CAST: variants seen among roughly 807,000 people sequenced by gnomAD.
CAST encodes the protein MIR583 host.
A neutral mutation model predicts 119.6 loss-of-function variants in CAST; 76 were observed. That is an observed-to-expected ratio of 0.64 (90% CI 0.53 to 0.77). The LOEUF (loss-of-function observed/expected upper bound fraction) is 0.77, where lower values mean the gene tolerates loss of function less well. Ranked by LOEUF, CAST falls within the 30% of genes least tolerant of loss-of-function variation. The pLI is 0.00. For missense variants in CAST, 953 were observed against 946.5 expected, an observed-to-expected ratio of 1.01 and a Z score of -0.09; for synonymous variants, 319 against 331.6, an observed-to-expected ratio of 0.96 and a Z score of 0.41.
intron 16 of CAST, among the ~76,000 whole-genome samples, chr5:96,745,050 C>T (rs1227954365): frequency 6.6e-6 from 1 of 152,120 alleles, no homozygotes; most frequent in African/African-American, 2.4e-5. Flanking sequence ...AATAAAAGCT[C>T]TGGCCGCATG....
chr5:96,642,575 C>A (rs1370682850), intron 1 of CAST, among the ~76,000 whole-genome samples: 3 of 148,454 alleles, frequency 2.0e-5, no homozygotes, highest in African/African-American at 7.5e-5. Flanking sequence ...AGATTTTGCT[C>A]CTGCTGCCCA....
At chr5:96,451,201 C>G in the CAST span, among the ~76,000 whole-genome samples, 1 of 152,242 alleles carries the variant, frequency 6.6e-6, no homozygotes, top group Admixed American at 6.5e-5. Context: ...TCTTACACAT[C>G]TTTGTGTACT....
At chr5:96,766,628 A>C (rs1034296519) in intron 27 of CAST, among the ~76,000 whole-genome samples, 1 of 152,190 alleles carries the variant, frequency 6.6e-6, no homozygotes, top group Non-Finnish European at 1.5e-5. Flanking sequence ...CAATATTCCC[A>C]ATCACAAATC....
At chr5:96,524,784 C>A (rs1294500565), upstream of CAST, among the ~76,000 whole-genome samples, 1 of 152,184 alleles carries the variant, frequency 6.6e-6, no homozygotes, top group Non-Finnish European at 1.5e-5. Flanking sequence ...CCACCACAGG[C>A]AGACAGAAGC....
chr5:96,759,947 A>C (rs1767357757), intron 24 of CAST, among the ~76,000 whole-genome samples: 2 of 152,060 alleles, frequency 1.3e-5, no homozygotes, highest in Non-Finnish European at 2.9e-5. Context: ...CAATTTTCTA[A>C]GATTAAACAA....
the CAST span, among the ~76,000 whole-genome samples, chr5:96,037,972 A>G: frequency 6.6e-6 from 1 of 152,190 alleles, no homozygotes; most frequent in African/African-American, 2.4e-5. Context: ...ATTCATCGCA[A>G]TGTTACAGTG....
chr5:95,986,387 T>C, the CAST span: 1 of 152,218 alleles, frequency 6.6e-6, no homozygotes, highest in Non-Finnish European at 1.5e-5. Flanking sequence ...TTTTACTCCT[T>C]TATCATATAA....
chr5:96,199,595 T>A, the CAST span, among the ~76,000 whole-genome samples: 1,930 of 152,156 alleles, frequency 0.013, 23 homozygotes, highest in South Asian at 0.032. Flanking sequence ...GAAAAAAAAA[T>A]TTAAGGCCAC....
chr5:96,763,100 T>C, intron 25 of CAST: 1 of 776,124 alleles, frequency 1.3e-6, no homozygotes, highest in Admixed American at 1.7e-5. Flanking sequence ...ATTTGCTAGA[T>C]GGAGATGAAG....
the CAST span, among the ~76,000 whole-genome samples, chr5:96,360,813 G>T: frequency 6.6e-6 from 1 of 152,218 alleles, no homozygotes; most frequent in African/African-American, 2.4e-5. Flanking sequence ...CAGGGGTCAG[G>T]GAGCCACTTG....
the CAST span, among the ~76,000 whole-genome samples, chr5:96,272,699 CTA>C: frequency 6.6e-6 from 1 of 151,926 alleles, no homozygotes; most frequent in Non-Finnish European, 1.5e-5. Flanking sequence ...AGTAGGGTGA[CTA>C]TAGTTTATAA....
chr5:96,108,944 C>G, the CAST span, among the ~76,000 whole-genome samples: 2 of 152,248 alleles, frequency 1.3e-5, no homozygotes, highest in African/African-American at 4.8e-5. Context: ...TTTTTTAAGC[C>G]CATCGGAAAA....
the CAST span, among the ~76,000 whole-genome samples, chr5:96,516,974 C>A: frequency 1.3e-5 from 2 of 152,174 alleles, no homozygotes; most frequent in Non-Finnish European, 2.9e-5. Flanking sequence ...TTCCAGTGTG[C>A]ACACTAGGGT....
chr5:96,190,468 C>T, the CAST span, among the ~76,000 whole-genome samples: 171 of 152,248 alleles, frequency 1.1e-3, no homozygotes, highest in South Asian at 2.1e-3. Context: ...GGGAATTAGG[C>T]GCCATCTTTG....
chr5:96,570,318 G>T (rs973578630), intron 1 of CAST, among the ~76,000 whole-genome samples: 2 of 152,184 alleles, frequency 1.3e-5, no homozygotes, highest in Admixed American at 1.3e-4. Flanking sequence ...AACCATGTCA[G>T]CTGGTGAAGA....
chr5:96,096,968 T>C, the CAST span, among the ~76,000 whole-genome samples: 10,206 of 152,266 alleles, frequency 0.067, 590 homozygotes, highest in East Asian at 0.25. Context: ...ATAAAGATCA[T>C]CGAAATTCTC....
the CAST span, among the ~76,000 whole-genome samples, chr5:96,218,277 T>C: frequency 6.6e-6 from 1 of 152,204 alleles, no homozygotes; most frequent in Admixed American, 6.5e-5. Context: ...TGCAATTTTA[T>C]ATTTTCAGTT....
At chr5:96,756,086 AC>A (rs1334414721) in intron 22 of CAST, among the ~76,000 whole-genome samples, 4 of 152,156 alleles carry the variant, frequency 2.6e-5, no homozygotes, top group African/African-American at 9.7e-5. Context: ...GTTATTAGTT[AC>A]CTATTAATAA....
At chr5:96,325,129 G>A in the CAST span, among the ~76,000 whole-genome samples, 10 of 152,106 alleles carry the variant, frequency 6.6e-5, no homozygotes, top group East Asian at 1.9e-4. Flanking sequence ...TCTTGGGCCC[G>A]GGAGGTAGAG....
Sources: allele counts gnomAD v4.1 joint callset (sites outside exome capture counted in the v4.1 genomes callset), GRCh38; gene constraint gnomAD v4.1.1; transcripts MANE v1.5; gene names NCBI Gene and HGNC (gene_info 2026-07-23, HGNC 2026-07-21).